METTL8: variants seen among roughly 807,000 people sequenced by gnomAD.
METTL8 encodes the protein methyltransferase 8, tRNA N3-cytidine.
METTL8 carries 32 observed loss-of-function variants against 48.7 expected under a neutral mutation model. The ratio of observed to expected loss-of-function variants is 0.66; its 90% CI spans 0.50 to 0.88. METTL8 has a LOEUF of 0.88. Ranked by LOEUF, METTL8 falls within the 40% of genes least tolerant of loss-of-function variation. The pLI is 0.00. For missense variants in METTL8, 464 were observed against 474.4 expected, an observed-to-expected ratio of 0.98 and a Z score of 0.20; for synonymous variants, 136 against 157.1, an observed-to-expected ratio of 0.87 and a Z score of 1.01.
At position 171,330,716 on chromosome 2, in the gene METTL8, C is replaced by G. The variant is rs1406242060; in HGVS notation, c.721-18G>C. On this transcript the variant is annotated intron_variant, in intron 6 of 9. Transcript: ENST00000375258. The stretch of plus-strand genomic sequence containing the variant: ...GAGTGTGACTGTCATGATAAAGGAA[C>G]AGAAAGCAAAAAGAGGACTTAGTAG... 1 of 1,579,186 alleles carries G rather than the reference C, an allele frequency of 6.3e-7. No individual in the cohort carries two copies. The highest frequency in any genetic ancestry group is 1.2e-5 in the South Asian group (1 of 84,808).
intron 1 of METTL8, among the ~76,000 whole-genome samples, chr2:171,401,907 G>A (rs992234928): frequency 4.6e-5 from 7 of 152,098 alleles, no homozygotes; most frequent in Non-Finnish European, 7.4e-5. Flanking sequence ...TTTCTGTTAC[G>A]TAATATGTAT....
chr2:171,338,561 A>T (rs894697832), intron 4 of METTL8, among the ~76,000 whole-genome samples: 1 of 150,824 alleles, frequency 6.6e-6, no homozygotes, highest in African/African-American at 2.4e-5. Flanking sequence ...AATTGCTTGA[A>T]CCCGGGAGGC....
In METTL8 at chr2:171,373,542, T is replaced by C. The variant is rs180819565; in HGVS notation, c.144-13029A>G. Among the ~76,000 whole-genome samples the C allele has an allele frequency of 1.8e-3, 281 of 152,336 alleles. 3 individuals carry two copies. The highest frequency in any genetic ancestry group is 6.6e-3 in the African/African-American group (273 of 41,584). The stretch of plus-strand genomic sequence containing the variant: ...GTCATTGCTTTTGGTGTTTTAGACA[T>C]GAAGTCCTTGCCCATGCCTATGTCC... On this transcript the variant is annotated intron_variant, in intron 2 of 9. Transcript: ENST00000375258.
chr2:171,352,841 T>C (rs900281144), intron 3 of METTL8, among the ~76,000 whole-genome samples: 1 of 148,838 alleles, frequency 6.7e-6, no homozygotes, highest in Non-Finnish European at 1.5e-5. Context: ...TTATTGCATC[T>C]GTTTGATTCT....
intron 3 of METTL8, among the ~76,000 whole-genome samples, chr2:171,357,701 T>TC (rs1343927370): frequency 7.1e-6 from 1 of 140,276 alleles, no homozygotes; most frequent in South Asian, 2.2e-4. Flanking sequence ...TTTCTCTCTC[T>TC]TTTTTTTTTT....
chr2:171,325,121 C>CA (rs3835041), intron 9 of METTL8, among the ~76,000 whole-genome samples: 13,547 of 75,674 alleles, frequency 0.18, 1,199 homozygotes, highest in Middle Eastern at 0.26. Context: ...GACTCTGTCT[C>CA]AAAAAAAAAA....
chr2:171,354,771 T>C (rs1223183534), intron 3 of METTL8, among the ~76,000 whole-genome samples: 1 of 152,250 alleles, frequency 6.6e-6, no homozygotes, highest in African/African-American at 2.4e-5. Flanking sequence ...AGCTTGTACA[T>C]GCGTCACATA....
At chr2:171,353,499 C>G (rs1029325816) in intron 3 of METTL8, among the ~76,000 whole-genome samples, 1 of 152,174 alleles carries the variant, frequency 6.6e-6, no homozygotes, top group African/African-American at 2.4e-5. Flanking sequence ...TGCTGCAGAG[C>G]TGAGTTCAAT....
intron 1 of METTL8, among the ~76,000 whole-genome samples, chr2:171,398,497 TTGGGGAA>T (rs948358493): frequency 7.9e-5 from 12 of 151,548 alleles, no homozygotes; most frequent in African/African-American, 2.9e-4. Context: ...TTGGCAGAGG[TTGGGGAA>T]GGGGGAATGG....
chr2:171,365,554 A>G (rs1182722605), intron 2 of METTL8, among the ~76,000 whole-genome samples: 3 of 152,030 alleles, frequency 2.0e-5, no homozygotes, highest in African/African-American at 4.8e-5. Flanking sequence ...GTTTCTTTCT[A>G]ATTCCTTTGT....
At chr2:171,399,941 T>A (rs62181358) in intron 1 of METTL8, among the ~76,000 whole-genome samples, 44,671 of 151,730 alleles carry the variant, frequency 0.29, 7,510 homozygotes, top group East Asian at 0.63. Flanking sequence ...GAGTTTGAGA[T>A]CAGCCTGGGC....
At chr2:171,347,394 T>C (rs891496313) in intron 3 of METTL8, among the ~76,000 whole-genome samples, 3 of 152,120 alleles carry the variant, frequency 2.0e-5, no homozygotes, top group Admixed American at 6.5e-5. Flanking sequence ...GGCCCTAAAA[T>C]AACCTTCTCA....
In METTL8 at chr2:171,317,426, T is replaced by G. The variant is rs1684313018; in HGVS notation, c.*6746A>C. On this transcript the variant is annotated 3_prime_UTR_variant, in exon 10 of 10. Transcript: ENST00000375258. The stretch of plus-strand genomic sequence containing the variant: ...CTTTAGGAGGCAATCAAAGGCTCAT[T>G]TTATTTGATAGGTAACATCTGATAC... 6.6e-6 allele frequency: 1 copy of G among 152,202 alleles called. No homozygotes were observed. The highest frequency in any genetic ancestry group is 1.5e-5 in the Non-Finnish European group (1 of 68,056). The allele number at this position is 152,202 out of a possible 1,614,324, so 9.4% of individuals were successfully genotyped here.
chr2:171,402,877 TG>T (rs1472208968), intron 1 of METTL8, among the ~76,000 whole-genome samples: 10 of 152,138 alleles, frequency 6.6e-5, no homozygotes, highest in African/African-American at 2.4e-4. Context: ...CTGAGGGTAT[TG>T]TCAAAAGGAC....
intron 7 of METTL8, among the ~76,000 whole-genome samples, chr2:171,329,390 T>C (rs865920297): frequency 6.6e-6 from 1 of 152,380 alleles, no homozygotes; most frequent in Middle Eastern, 3.4e-3. Flanking sequence ...ATTTAGATGT[T>C]TCTTGTTATG....
intron 1 of METTL8, among the ~76,000 whole-genome samples, chr2:171,413,197 T>C (rs1386254261): frequency 1.3e-5 from 2 of 152,218 alleles, no homozygotes; most frequent in African/African-American, 4.8e-5. Flanking sequence ...ATATTGCAAT[T>C]AACCTTTAAG....
At position 171,317,679 on chromosome 2, in the gene METTL8, A is replaced by C. The variant is rs535976054; in HGVS notation, c.*6493T>G. The C allele has an allele frequency of 7.2e-5, 11 of 152,358 alleles. No homozygotes were observed. Among genetic ancestry groups the C allele is most frequent in the Admixed American group, 5.9e-4 (9 of 15,306 alleles). 9.4% of individuals were successfully genotyped at this position (152,358 alleles called of 1,614,324 possible). On this transcript the variant is annotated 3_prime_UTR_variant, in exon 10 of 10. Coordinates refer to ENST00000375258, the MANE Select transcript of METTL8 (RefSeq NM_001321154.2). ...CTTACTTAAGGTTAAGTGGTTGTGA[A>C]ACCACAGACACTGTAGAATCAGAAG...
At chr2:171,406,202 G>A (rs750662637) in intron 1 of METTL8, among the ~76,000 whole-genome samples, 5 of 152,194 alleles carry the variant, frequency 3.3e-5, no homozygotes, top group Non-Finnish European at 7.4e-5. Flanking sequence ...TAGGAAGTGG[G>A]CATGTGGCCA....
chr2:171,330,751 AT>A (rs879190669), intron 6 of METTL8, 53 bp from the exon 7 acceptor site: 178,399 of 1,061,000 alleles, frequency 0.17, 26 homozygotes, highest in East Asian at 0.2. Context: ...GACTTCCGGG[AT>A]TTTTTTTTTT....
Sources: gnomAD v4.1 joint callset for allele counts (sites outside exome capture counted in the v4.1 genomes callset) on GRCh38, gnomAD v4.1.1 for gene constraint, MANE v1.5 for transcripts, NCBI Gene and HGNC (gene_info 2026-07-23, HGNC 2026-07-21) for gene names.